Variants in HIPK2 observed in about 807,000 individuals in gnomAD.
HIPK2 encodes homeodomain-interacting protein kinase 2.
In HIPK2, 27 loss-of-function variants were observed where a neutral mutation model predicts 113.7. The observed-to-expected ratio is 0.24, with a 90% CI of 0.17 to 0.33. The LOEUF is 0.33. Ranked by LOEUF, HIPK2 falls within the 10% of genes least tolerant of loss-of-function variation. HIPK2 has a pLI of 1.00. For synonymous variants in HIPK2, 631 were observed against 642.2 expected (o/e 0.98, Z 0.26); for missense variants, 1,257 against 1,588.0 (o/e 0.79, Z 3.54).
chr7:139,707,415 G>A (rs1209615582), intron 2 of HIPK2, among the ~76,000 whole-genome samples: 1 of 152,248 alleles, frequency 6.6e-6, no homozygotes, highest in African/African-American at 2.4e-5. Context: ...GAGAAGGGTG[G>A]CCCTGTCTGC....
At chr7:139,735,158 T>A (rs1795902800) in intron 1 of HIPK2, among the ~76,000 whole-genome samples, 1 of 152,204 alleles carries the variant, frequency 6.6e-6, no homozygotes, top group Admixed American at 6.5e-5. Context: ...AAGAGAAGTA[T>A]CCCATGAGCA....
Position 139,716,751 on chromosome 7 carries a change from A to C in HIPK2, c.284T>G (p.Val95Gly). Residue 95 changes from valine to glycine, a missense_variant, in exon 2 of 15, where the codon GTC becomes GGC. Physicochemically the swap from Val to Gly is moderately radical, Grantham distance 109 (BLOSUM62 -3). This residue lies in a region of HIPK2 where 209 missense variants were observed against 237.8 expected (regional missense o/e 0.88). Coordinates refer to ENST00000406875, the MANE Select transcript of HIPK2 (RefSeq NM_022740.5). This position sits in a 1 kb window ranked among gnomAD's most constrained non-coding sequence, Gnocchi z 9.3. ...GACAGAAGTGCTGCTTGCTGAGGTGACCACGATGTGCCCGGTGCTTCCTGG... is the reference window on the plus strand; with the variant it reads ...GACAGAAGTGCTGCTTGCTGAGGTGCCCACGATGTGCCCGGTGCTTCCTGG... The part of the protein sequence containing the change: ...VFPGSTGHIV[V>G]TSASSTSVTG... 5.0e-6 allele frequency: 8 copies of C among 1,613,818 alleles called. No homozygotes were observed. The highest frequency in any genetic ancestry group is 6.8e-6 in the Non-Finnish European group (8 of 1,179,854).
At chr7:139,634,109 CA>C (rs57278111) in intron 2 of HIPK2, among the ~76,000 whole-genome samples, 4,366 of 136,898 alleles carry the variant, frequency 0.032, 154 homozygotes, top group Admixed American at 0.1. Context: ...GACCCTGTCT[CA>C]AAAAAAAAAA....
At chr7:139,775,600 C>A (rs981272333) in intron 1 of HIPK2, among the ~76,000 whole-genome samples, 1 of 152,120 alleles carries the variant, frequency 6.6e-6, no homozygotes, top group East Asian at 1.9e-4. Flanking sequence ...AAGAGGCCAC[C>A]GCGGAGGTCA....
At chr7:139,625,346 T>C (rs1000362639) in intron 6 of HIPK2, among the ~76,000 whole-genome samples, 13 of 151,986 alleles carry the variant, frequency 8.6e-5, no homozygotes, top group Admixed American at 8.5e-4. Context: ...TGTGAGTTGT[T>C]AAACCGAATG....
chr7:139,707,197 TCTC>T (rs1056742120), intron 2 of HIPK2, among the ~76,000 whole-genome samples: 44 of 152,348 alleles, frequency 2.9e-4, no homozygotes, highest in African/African-American at 8.7e-4. Context: ...CCTGTGATCA[TCTC>T]CTAAACAGGC....
intron 6 of HIPK2, among the ~76,000 whole-genome samples, chr7:139,621,243 C>T (rs1287579227): frequency 1.3e-5 from 2 of 152,240 alleles, no homozygotes; most frequent in Non-Finnish European, 2.9e-5. Context: ...ATTCTCGTCC[C>T]TACTTCACGA....
rs369848422 is a variant in HIPK2, at chr7:139,766,544, C to T, written c.19+11061G>A. On this transcript the variant is annotated intron_variant, in intron 1 of 14. Coordinates refer to ENST00000406875, the MANE Select transcript of HIPK2 (RefSeq NM_022740.5). ...GCACCTTCGGTCTCCAGCTTGATTGCCTCTTTTCCAAGGAGGATCCCAGAT... is the reference window on the plus strand; with the variant it reads ...GCACCTTCGGTCTCCAGCTTGATTGTCTCTTTTCCAAGGAGGATCCCAGAT... 5.7e-4 allele frequency among the ~76,000 whole-genome samples: 87 copies of T among 152,234 alleles called. No individual in the cohort carries two copies. In the South Asian group the frequency reaches 8.9e-3, roughly 16 times the overall value.
intron 12 of HIPK2, among the ~76,000 whole-genome samples, chr7:139,585,830 G>C (rs115603861): frequency 0.021 from 3,266 of 152,280 alleles, 120 homozygotes; most frequent in African/African-American, 0.075. Flanking sequence ...GTAAGGACTT[G>C]CTGGAAAAGT....
At chr7:139,588,845 G>A (rs557561019) in intron 12 of HIPK2, among the ~76,000 whole-genome samples, 4 of 152,318 alleles carry the variant, frequency 2.6e-5, no homozygotes, top group Admixed American at 2.0e-4. Context: ...CTGTTTCGAA[G>A]TACTCTGAGG....
chr7:139,738,447 T>A (rs1796002763), intron 1 of HIPK2, among the ~76,000 whole-genome samples: 1 of 152,262 alleles, frequency 6.6e-6, no homozygotes, highest in African/African-American at 2.4e-5. Flanking sequence ...AGGAACTGAA[T>A]GTAAAGTTTT....
In HIPK2 at chr7:139,646,178, G is replaced by A. The variant is rs527767732; in HGVS notation, c.1104-14453C>T. Among the ~76,000 whole-genome samples, 4 of 152,234 alleles carry A rather than the reference G, an allele frequency of 2.6e-5. No individual in the cohort carries two copies. The South Asian group carries it at 6.2e-4, about 24-fold the overall frequency. Reference sequence around the variant, plus strand: ...TCAACTTCCATGGAGACAGAGGGACGCGACCCACTGGGTAAGGGAACAAAC... The same window carrying A: ...TCAACTTCCATGGAGACAGAGGGACACGACCCACTGGGTAAGGGAACAAAC... On this transcript the variant is annotated intron_variant, in intron 2 of 14. Transcript: ENST00000406875.
intron 2 of HIPK2, among the ~76,000 whole-genome samples, chr7:139,640,971 T>C (rs878931941): frequency 6.6e-6 from 1 of 152,216 alleles, no homozygotes; most frequent in Admixed American, 6.5e-5. Context: ...TTGAAATACA[T>C]TAAAGCATAT....
chr7:139,573,347 C>T lies in HIPK2; in HGVS notation c.3177G>A (p.Gln1059=), dbSNP rs1320136792. The stretch of plus-strand genomic sequence containing the variant: ...GGGCCATGGTGGGAGTGATGTAGGC[C>T]TGCTGCCTTCGGTGGCTCCCAGTGC... ...TDRTGSHRRQ[Q]AYITPTMAQA... is the part of the protein sequence containing the mutation. The change falls in exon 15 of 15, where the codon CAG becomes CAA. Residue 1059 remains glutamine (Q), a synonymous_variant. Transcript: ENST00000406875. 1 of 1,605,518 alleles carries T rather than the reference C, an allele frequency of 6.2e-7. No homozygotes were observed. The highest frequency in any genetic ancestry group is 8.5e-7 in the Non-Finnish European group (1 of 1,179,824).
intron 10 of HIPK2, among the ~76,000 whole-genome samples, chr7:139,603,581 T>C: frequency 6.6e-6 from 1 of 152,080 alleles, no homozygotes; most frequent in East Asian, 1.9e-4. Flanking sequence ...CATGCCAGCA[T>C]TTACCCTTCC....
intron 1 of HIPK2, among the ~76,000 whole-genome samples, chr7:139,749,407 T>C (rs1029559316): frequency 6.6e-6 from 1 of 152,256 alleles, no homozygotes. Context: ...GCTTTAGTGC[T>C]AGAAAACCTG....
chr7:139,714,115 G>A lies in HIPK2; in HGVS notation c.1103+1817C>T, dbSNP rs755619118. Among the ~76,000 whole-genome samples the A allele has an allele frequency of 2.0e-5, 3 of 152,184 alleles. No individual in the cohort carries two copies. Among genetic ancestry groups the A allele is most frequent in the East Asian group, 1.9e-4 (1 of 5,190 alleles). ...CAAGTGGAGGGGCAGCAGTAGACCC[G>A]TCTGTCCGCACGGGGCCTGGTGGTG... On this transcript the variant is annotated intron_variant, in intron 2 of 14. Transcript: ENST00000406875. This position sits in a 1 kb window ranked among gnomAD's most constrained non-coding sequence, Gnocchi z 4.2.
chr7:139,685,991 T>C lies in HIPK2; in HGVS notation c.1103+29941A>G, dbSNP rs182836790. ...ACATCTTGTAAGCCTATAGCTGCCATAGACAGTGAGTCCTCTGATGGATCT... is the reference window on the plus strand; with the variant it reads ...ACATCTTGTAAGCCTATAGCTGCCACAGACAGTGAGTCCTCTGATGGATCT... On this transcript the variant is annotated intron_variant, in intron 2 of 14. Transcript: ENST00000406875. 3.6e-3 allele frequency among the ~76,000 whole-genome samples: 541 copies of C among 152,354 alleles called. 2 individuals are homozygous for C. Among genetic ancestry groups the C allele is most frequent in the Non-Finnish European group, 5.3e-3 (363 of 68,024 alleles).
chr7:139,643,691 G>C (rs1179887605), intron 2 of HIPK2, among the ~76,000 whole-genome samples: 1 of 152,072 alleles, frequency 6.6e-6, no homozygotes, highest in Non-Finnish European at 1.5e-5. Context: ...ATATTGACTT[G>C]ACTTGGTGAA....
Sources: gnomAD v4.1 joint callset for allele counts (sites outside exome capture counted in the v4.1 genomes callset) on GRCh38, gnomAD v4.1.1 for gene constraint, gnomAD v4.1.1 regional missense constraint, Gnocchi (gnomAD v3.1) non-coding constraint, MANE v1.5 for transcripts, NCBI Gene and HGNC (gene_info 2026-07-23, HGNC 2026-07-21) for gene names.